The following KIAA2012 variants were observed in gnomAD, a reference collection of about 807,000 sequenced individuals.
The protein encoded by KIAA2012 is KIAA2012, also known as uncharacterized protein KIAA2012.
A neutral mutation model predicts 150.6 loss-of-function variants in KIAA2012; 125 were observed. That is an observed-to-expected ratio of 0.83 (90% confidence interval 0.72 to 0.96). KIAA2012 has a LOEUF of 0.96. Among genes scored for constraint, KIAA2012 ranks in the 40% least tolerant of loss-of-function variants. The pLI, the probability that KIAA2012 is intolerant of heterozygous loss-of-function variation, is 0.00. For missense variants in KIAA2012, 1,219 were observed against 1,354.9 expected (o/e 0.90, Z 1.57); for synonymous variants, 462 against 504.7 (o/e 0.92, Z 1.13).
In KIAA2012 at chr2:202,190,318, C is replaced by T. The variant is rs1422873010; in HGVS notation, c.2636C>T (p.Ser879Leu). The T allele has an allele frequency of 1.9e-6, 3 of 1,550,558 alleles. No homozygotes were observed. The highest frequency in any genetic ancestry group is 2.6e-6 in the Non-Finnish European group (3 of 1,147,000). ...DVSYEETEDT[S>L]NRGSFASDSF... ...AGCTATGAGGAAACAGAAGACACCTCAAATAGAGGTTCCTTTGCCTCAGAC... is the reference window on the plus strand; with the variant it reads ...AGCTATGAGGAAACAGAAGACACCTTAAATAGAGGTTCCTTTGCCTCAGAC... Residue 879 changes from serine to leucine, a missense_variant, in exon 19 of 24, where the codon TCA (serine) becomes TTA (leucine). Coordinates refer to ENST00000498697, the MANE Select transcript of KIAA2012 (RefSeq NM_001277372.4).
At chr2:202,186,490 C>T (rs539880242) in intron 16 of KIAA2012, among the ~76,000 whole-genome samples, 15 of 148,358 alleles carry the variant, frequency 1.0e-4, no homozygotes, top group South Asian at 6.4e-4. Context: ...CCAGCCTGGG[C>T]GACAGAGCGA....
intron 10 of KIAA2012, among the ~76,000 whole-genome samples, chr2:202,110,540 G>A (rs916972158): frequency 2.0e-5 from 3 of 152,212 alleles, no homozygotes; most frequent in Non-Finnish European, 4.4e-5. Flanking sequence ...GGCTTGGCCT[G>A]CTTTCTCAGT....
chr2:202,151,530 A>G (rs888681364), intron 13 of KIAA2012, among the ~76,000 whole-genome samples: 13 of 152,086 alleles, frequency 8.5e-5, no homozygotes, highest in Non-Finnish European at 1.3e-4. Flanking sequence ...TCCTCAGAGC[A>G]GCCTCCTCTG....
chr2:202,125,931 GCTGCTTT>G, intron 12 of KIAA2012: 1 of 272,254 alleles, frequency 3.7e-6, no homozygotes, highest in South Asian at 2.8e-5. Context: ...GGTGTTCCTG[GCTGCTTT>G]TTTTTTTTTT....
chr2:202,201,783 T>G (rs1692531901), intron 22 of KIAA2012: 1 of 1,304,428 alleles, frequency 7.7e-7, no homozygotes, highest in African/African-American at 1.5e-5. Flanking sequence ...AGCATCAGTA[T>G]AGGGTAGAGC....
At chr2:202,083,800 A>G (rs1488638424) in intron 2 of KIAA2012, among the ~76,000 whole-genome samples, 1 of 152,158 alleles carries the variant, frequency 6.6e-6, no homozygotes, top group East Asian at 1.9e-4. Context: ...GGAGTGCACA[A>G]TCTGGTGAAA....
At chr2:202,131,693 T>G (rs1213359905) in intron 12 of KIAA2012, among the ~76,000 whole-genome samples, 1 of 152,098 alleles carries the variant, frequency 6.6e-6, no homozygotes, top group Non-Finnish European at 1.5e-5. Flanking sequence ...AGAATGTATG[T>G]AGGAACTAGC....
intron 22 of KIAA2012, among the ~76,000 whole-genome samples, chr2:202,200,399 A>G (rs941580253): frequency 4.6e-5 from 7 of 151,968 alleles, no homozygotes; most frequent in African/African-American, 1.7e-4. Context: ...TGCCTGAGGA[A>G]ATACGAAAGC....
intron 11 of KIAA2012, among the ~76,000 whole-genome samples, chr2:202,123,230 G>A (rs1559212275): frequency 3.3e-5 from 5 of 152,148 alleles, no homozygotes; most frequent in Admixed American, 3.3e-4. Flanking sequence ...CCGCCCTCTC[G>A]CCTGACACAC....
At chr2:202,194,490 T>A (rs1419303682) in intron 21 of KIAA2012, 128 bp downstream of exon 21, 1 of 769,948 alleles carries the variant, frequency 1.3e-6, no homozygotes, top group Non-Finnish European at 1.8e-6. Flanking sequence ...TAATATAAAC[T>A]ATTTTTCAAA....
intron 4 of KIAA2012, 57 bp downstream of exon 4, chr2:202,093,242 A>G: frequency 6.6e-7 from 1 of 1,510,258 alleles, no homozygotes; most frequent in Non-Finnish European, 9.0e-7. Context: ...TTGAATTGTT[A>G]ACACCTTAAA....
chr2:202,117,820 G>A (rs577878848), intron 11 of KIAA2012, among the ~76,000 whole-genome samples: 80 of 152,322 alleles, frequency 5.3e-4, no homozygotes, highest in South Asian at 1.0e-3. Context: ...TAGAGCCTCC[G>A]ATATGCTGAT....
intron 15 of KIAA2012, among the ~76,000 whole-genome samples, chr2:202,184,341 G>A (rs993084269): frequency 9.4e-5 from 14 of 148,758 alleles, no homozygotes; most frequent in Admixed American, 4.7e-4. Context: ...CGGAGATCAC[G>A]CCACTGCACT....
chr2:202,191,581 GA>G (rs1692329131), intron 19 of KIAA2012, among the ~76,000 whole-genome samples: 1 of 151,058 alleles, frequency 6.6e-6, no homozygotes, highest in African/African-American at 2.4e-5. Context: ...AAAGAAAAAA[GA>G]AAATCCCTGC....
intron 14 of KIAA2012, 25 bp from the exon 15 acceptor site, chr2:202,165,259 T>A (rs748582502): frequency 7.0e-5 from 108 of 1,545,542 alleles, no homozygotes; most frequent in Non-Finnish European, 9.0e-5. Flanking sequence ...TCTAATGTAT[T>A]CTTTGTTGTG....
chr2:202,160,908 G>A (rs1691640073), intron 14 of KIAA2012, among the ~76,000 whole-genome samples: 1 of 152,162 alleles, frequency 6.6e-6, no homozygotes, highest in African/African-American at 2.4e-5. Flanking sequence ...AAGACAGGCT[G>A]GAGGCCGCAC....
chr2:202,085,596 G>A (rs1183389033), intron 2 of KIAA2012, among the ~76,000 whole-genome samples: 1 of 152,174 alleles, frequency 6.6e-6, no homozygotes, highest in Non-Finnish European at 1.5e-5. Context: ...AGGCCTGTCA[G>A]CACCTTGATT....
intron 2 of KIAA2012, among the ~76,000 whole-genome samples, chr2:202,083,358 T>C (rs946291222): frequency 6.6e-6 from 1 of 152,194 alleles, no homozygotes; most frequent in Non-Finnish European, 1.5e-5. Context: ...TGCAAGTGGC[T>C]TCTCTCCTCT....
At chr2:202,113,475 G>GTTT (rs373306982) in intron 11 of KIAA2012, 29 bp downstream of exon 11, 29 of 1,149,336 alleles carry the variant, frequency 2.5e-5, no homozygotes, top group South Asian at 4.9e-5. Context: ...GGGCAGCCTT[G>GTTT]TTTTTTTTTT....
Sources: gnomAD v4.1 joint callset for allele counts (sites outside exome capture counted in the v4.1 genomes callset) on GRCh38, gnomAD v4.1.1 for gene constraint, MANE v1.5 for transcripts, NCBI Gene and HGNC (gene_info 2026-07-23, HGNC 2026-07-21) for gene names.